The following ZNF701 variants were observed in gnomAD, a reference collection of about 807,000 sequenced individuals.
The protein encoded by ZNF701 is zinc finger protein 701.
In ZNF701, 6 loss-of-function variants were observed where a neutral mutation model predicts 7.1. The ratio of observed to expected loss-of-function variants is 0.84; its 90% CI spans 0.46 to 1.66. The LOEUF is 1.66. ZNF701 is among the 40% of genes most tolerant of loss of function. ZNF701 has a pLI of 0.01. For missense variants in ZNF701, 541 were observed against 559.2 expected (o/e 0.97, Z 0.33); for synonymous variants, 166 against 188.2 (o/e 0.88, Z 0.97).
chr19:52,576,664 A>G (rs2059936466), intron 3 of ZNF701, among the ~76,000 whole-genome samples: 1 of 145,304 alleles, frequency 6.9e-6, no homozygotes, highest in Non-Finnish European at 1.5e-5. Flanking sequence ...TACATGTTAC[A>G]GTGCTCTCCA....
chr19:52,592,140 T>C (rs1398400332), downstream of ZNF701: 7 of 1,414,736 alleles, frequency 4.9e-6, no homozygotes, highest in Non-Finnish European at 6.0e-6. Flanking sequence ...TAGATTTCTC[T>C]TTGGAGGAGT....
At chr19:52,596,062 C>G in the ZNF701 span, 55 of 1,295,910 alleles carry the variant, frequency 4.2e-5, no homozygotes, top group Admixed American at 4.9e-4. Flanking sequence ...AGAATTTCCT[C>G]TATTCTTCAT....
At chr19:52,594,416 TC>T in the ZNF701 span, 1 of 152,560 alleles carries the variant, frequency 6.6e-6, no homozygotes, top group African/African-American at 2.4e-5. Context: ...GGTCTTGAAC[TC>T]CTGGTCTCAA....
At position 52,584,215 on chromosome 19, in the gene ZNF701, G is replaced by T. The variant is rs1437066801; in HGVS notation, c.*758G>T. ...TTTTTGAGGTAATAGTTACAAATGC[G>T]GTGAGCACAGCAAACCATCAAGGAT... On this transcript the variant is annotated 3_prime_UTR_variant, in exon 4 of 4. Coordinates refer to ENST00000391785, the MANE Select transcript of ZNF701 (RefSeq NM_018260.3). The T allele has an allele frequency of 7.7e-6, 2 of 259,202 alleles. No individual in the cohort carries two copies. The highest frequency in any genetic ancestry group is 7.8e-6 in the Non-Finnish European group (1 of 128,046). 16.1% of individuals were successfully genotyped at this position (259,202 alleles called of 1,614,324 possible). A position where few individuals can be genotyped will look rare whatever the true frequency, so the allele number is the denominator to read the frequency against.
the ZNF701 span, chr19:52,596,023 C>T: frequency 7.2e-6 from 11 of 1,517,654 alleles, no homozygotes; most frequent in Admixed American, 1.2e-4. Context: ...TTTGTAGGCT[C>T]AAAACCCATA....
chr19:52,592,370 AT>A, the ZNF701 span: 1 of 962,138 alleles, frequency 1.0e-6, no homozygotes, highest in Non-Finnish European at 1.5e-6. Flanking sequence ...TGACCCTCAT[AT>A]TTGTCATGGA....
At position 52,575,332 on chromosome 19, in the gene ZNF701, A is replaced by G. The variant is rs1327087686; in HGVS notation, c.16-563A>G. 8.6e-5 allele frequency among the ~76,000 whole-genome samples: 13 copies of G among 151,568 alleles called. No individual in the cohort carries two copies. The East Asian group carries it at 2.3e-3, about 27-fold the overall frequency. The stretch of plus-strand genomic sequence containing the variant: ...CAACCCCATACATATACACACACAT[A>G]TATACATACACATACATATATACAC... On this transcript the variant is annotated intron_variant, in intron 2 of 3. Coordinates refer to ENST00000391785, the MANE Select transcript of ZNF701 (RefSeq NM_018260.3).
In ZNF701 at chr19:52,584,228, A is replaced by T. The variant is rs2059994784; in HGVS notation, c.*771A>T. On this transcript the variant is annotated 3_prime_UTR_variant, in exon 4 of 4. Coordinates refer to ENST00000391785, the MANE Select transcript of ZNF701 (RefSeq NM_018260.3). ...AGTTACAAATGCGGTGAGCACAGCA[A>T]ACCATCAAGGATTGACAGTAGAGTC... 4.0e-6 allele frequency: 1 copy of T among 248,950 alleles called. No individual in the cohort carries two copies. Among genetic ancestry groups the T allele is most frequent in the Non-Finnish European group, 8.1e-6 (1 of 122,710 alleles). The allele number at this position is 248,950 out of a possible 1,614,324, so 15.4% of individuals were successfully genotyped here.
the ZNF701 span, among the ~76,000 whole-genome samples, chr19:52,595,131 AC>A: frequency 6.6e-6 from 1 of 152,098 alleles, no homozygotes; most frequent in Non-Finnish European, 1.5e-5. Context: ...ACAGCCGCCC[AC>A]CACCATGCCT....
the ZNF701 span, among the ~76,000 whole-genome samples, chr19:52,594,802 C>T: frequency 2.6e-5 from 4 of 152,120 alleles, no homozygotes; most frequent in East Asian, 1.9e-4. Flanking sequence ...CATGAGCCAC[C>T]GCACCTGGCC....
the ZNF701 span, chr19:52,597,644 G>C: frequency 5.8e-6 from 2 of 342,672 alleles, no homozygotes; most frequent in South Asian, 4.7e-5. Context: ...GGCTATGAGA[G>C]TGTGTAGGTG....
the ZNF701 span, chr19:52,596,087 C>T: frequency 1.7e-6 from 2 of 1,144,624 alleles, no homozygotes; most frequent in Non-Finnish European, 1.3e-6. Flanking sequence ...CACACAAATA[C>T]AAGAAGTACA....
At position 52,575,908 on chromosome 19, in the gene ZNF701, T is replaced by G; in HGVS notation, c.29T>G (p.Phe10Cys). ...TTTTCCTTTCAGGGTCTACTGACATTCAGGGATGTGGCCATAGAATTCTCT... is the reference window on the plus strand; with the variant it reads ...TTTTCCTTTCAGGGTCTACTGACATGCAGGGATGTGGCCATAGAATTCTCT... MALLQGLLT[F>C]RDVAIEFSQE... The change falls in exon 3 of 4, where the codon TTC becomes TGC. Residue 10 changes from phenylalanine to cysteine, a missense_variant. Coordinates refer to ENST00000391785, the MANE Select transcript of ZNF701 (RefSeq NM_018260.3). 1.3e-6 allele frequency: 2 copies of G among 1,533,650 alleles called. No homozygotes were observed. The highest frequency in any genetic ancestry group is 1.8e-6 in the Non-Finnish European group (2 of 1,136,624).
the ZNF701 span, among the ~76,000 whole-genome samples, chr19:52,594,505 T>TTTG: frequency 8.0e-6 from 1 of 124,358 alleles, no homozygotes; most frequent in Admixed American, 8.3e-5. Flanking sequence ...TTTGTTCTGT[T>TTTG]TTTTTTGTTT....
the ZNF701 span, chr19:52,596,387 A>G: frequency 2.5e-6 from 1 of 397,024 alleles, no homozygotes; most frequent in Non-Finnish European, 5.1e-6. Flanking sequence ...AGAATGCAAC[A>G]AAGTTTAGAG....
Position 52,586,790 on chromosome 19 carries a change from G to A in ZNF701, c.*3333G>A, listed in dbSNP as rs916942998. 2 of 152,194 alleles carry A rather than the reference G, an allele frequency of 1.3e-5. No individual in the cohort carries two copies. The highest frequency in any genetic ancestry group is 4.8e-5 in the African/African-American group (2 of 41,458). The allele number at this position is 152,194 out of a possible 1,614,324, so 9.4% of individuals were successfully genotyped here. A position where few individuals can be genotyped will look rare whatever the true frequency, so the allele number is the denominator to read the frequency against. On this transcript the variant is annotated 3_prime_UTR_variant, in exon 4 of 4. Coordinates refer to ENST00000391785, the MANE Select transcript of ZNF701 (RefSeq NM_018260.3). ...CCTGAAATGATGGGCACAATGGAGTGTGTGGCTTTTCCTGTAGGACAGGGA... is the reference window on the plus strand; with the variant it reads ...CCTGAAATGATGGGCACAATGGAGTATGTGGCTTTTCCTGTAGGACAGGGA...
chr19:52,598,057 G>A, the ZNF701 span: 6 of 152,244 alleles, frequency 3.9e-5, no homozygotes, highest in Non-Finnish European at 8.8e-5. Flanking sequence ...CCATTCTCCT[G>A]CCTCAGCCTC....
At chr19:52,572,530 T>C in intron 1 of ZNF701, 1 of 586,704 alleles carries the variant, frequency 1.7e-6, no homozygotes, top group Non-Finnish European at 2.6e-6. Flanking sequence ...AAGGATAGTT[T>C]TGATAAGGCC....
chr19:52,593,642 G>A, the ZNF701 span, among the ~76,000 whole-genome samples: 276 of 113,276 alleles, frequency 2.4e-3, 75 homozygotes, highest in Non-Finnish European at 3.8e-3. Flanking sequence ...CTTCTCAGAC[G>A]GGGCGGCTGC....
Sources: gnomAD v4.1 joint callset for allele counts (sites outside exome capture counted in the v4.1 genomes callset) on GRCh38, gnomAD v4.1.1 for gene constraint, MANE v1.5 for transcripts, NCBI Gene and HGNC (gene_info 2026-07-23, HGNC 2026-07-21) for gene names.